Variants in TRHDE observed in about 807,000 individuals in gnomAD.
The protein encoded by TRHDE is thyrotropin-releasing hormone-degrading ectoenzyme.
Under a neutral mutation model 125.7 loss-of-function variants are expected in TRHDE, and 72 were observed. That is an observed-to-expected ratio of 0.57 (90% CI 0.47 to 0.70). The LOEUF (loss-of-function observed/expected upper bound fraction) is 0.70. Ranked by LOEUF, TRHDE falls within the 30% of genes least tolerant of loss-of-function variation. TRHDE has a pLI of 0.00. For synonymous variants in TRHDE, 509 were observed against 509.1 expected (o/e 1.00, Z 0.00); for missense variants, 1,110 against 1,327.1 (o/e 0.84, Z 2.54).
chr12:72,489,733 C>T (rs1877574660), intron 5 of TRHDE, among the ~76,000 whole-genome samples: 1 of 151,488 alleles, frequency 6.6e-6, no homozygotes, highest in African/African-American at 2.4e-5. Context: ...ACCAAGAAGA[C>T]ACGATGAGAA....
At chr12:72,482,532 AT>A (rs760917926) in intron 5 of TRHDE, among the ~76,000 whole-genome samples, 1 of 151,812 alleles carries the variant, frequency 6.6e-6, no homozygotes, top group Non-Finnish European at 1.5e-5. Context: ...ATTTCATTAG[AT>A]TTTTGAGTAT....
intron 2 of TRHDE, among the ~76,000 whole-genome samples, chr12:72,215,405 G>T (rs1218404895): frequency 1.3e-5 from 2 of 152,144 alleles, no homozygotes; most frequent in Non-Finnish European, 2.9e-5. Context: ...GGGCGTATAT[G>T]TGCAGGTCAC....
Position 72,099,670 on chromosome 12 carries a change from A to G in TRHDE, n.175-5978A>G, listed in dbSNP as rs530684005. ...ATATAATGGTTTCATGTAGATACAG[A>G]CTCAGACTCTGTTTTTTAGGTTAAT... On this transcript the variant is annotated intron_variant and non_coding_transcript_variant, in intron 1 of 4. Transcript: ENST00000548156. Among the ~76,000 whole-genome samples the G allele has an allele frequency of 5.9e-5, 9 of 152,304 alleles. No homozygotes were observed. In the South Asian group the frequency reaches 1.7e-3, roughly 28 times the overall value.
intron 3 of TRHDE, among the ~76,000 whole-genome samples, chr12:72,412,216 C>CA (rs1873542550): frequency 6.6e-6 from 1 of 151,962 alleles, no homozygotes; most frequent in South Asian, 2.1e-4. Context: ...TTATATAACC[C>CA]AAATCAGCCA....
intron 5 of TRHDE, among the ~76,000 whole-genome samples, chr12:72,482,809 A>G (rs760205425): frequency 6.6e-6 from 1 of 151,952 alleles, no homozygotes; most frequent in Non-Finnish European, 1.5e-5. Flanking sequence ...GACTGGTCCA[A>G]TTTGAAGCAC....
At chr12:72,340,878 A>T (rs1352505452) in intron 2 of TRHDE, among the ~76,000 whole-genome samples, 1 of 152,150 alleles carries the variant, frequency 6.6e-6, no homozygotes, top group Non-Finnish European at 1.5e-5. Flanking sequence ...GAAAAGACAG[A>T]ATATTGTGAA....
Position 72,454,204 on chromosome 12 carries a change from T to C in TRHDE, c.1316-15554T>C, listed in dbSNP as rs543515324. 2.6e-4 allele frequency among the ~76,000 whole-genome samples: 40 copies of C among 152,166 alleles called. No individual in the cohort carries two copies. In the South Asian group the frequency reaches 6.0e-3, roughly 23 times the overall value. On this transcript the variant is annotated intron_variant, in intron 3 of 18. Coordinates refer to ENST00000261180, the MANE Select transcript of TRHDE (RefSeq NM_013381.3). ...TAAATTTGTTTTTTTTTAAAAAAAA[T>C]ATGTAATCAACTCTTTGTTTTTACC...
At chr12:72,611,944 A>AT (rs1245974372) in intron 12 of TRHDE, among the ~76,000 whole-genome samples, 3 of 152,192 alleles carry the variant, frequency 2.0e-5, no homozygotes, top group Admixed American at 1.3e-4. Context: ...TTAATAACAA[A>AT]TGCATTTTCT....
intron 5 of TRHDE, among the ~76,000 whole-genome samples, chr12:72,483,348 C>T (rs1877262302): frequency 6.6e-6 from 1 of 151,986 alleles, no homozygotes; most frequent in African/African-American, 2.4e-5. Flanking sequence ...CTGTCTGCTA[C>T]TTAATAGCTG....
At chr12:72,549,547 G>A (rs1184023065) in intron 7 of TRHDE, among the ~76,000 whole-genome samples, 3 of 151,548 alleles carry the variant, frequency 2.0e-5, no homozygotes, top group Non-Finnish European at 4.4e-5. Context: ...ATATGCTATC[G>A]GTAAAAAGGT....
intron 12 of TRHDE, chr12:72,582,191 TAAA>T (rs1047283221): frequency 4.1e-5 from 39 of 942,626 alleles, no homozygotes; most frequent in Non-Finnish European, 4.9e-5. Flanking sequence ...ATATATAAGT[TAAA>T]AAATAATACG....
At chr12:72,374,693 C>T (rs559866909) in intron 2 of TRHDE, among the ~76,000 whole-genome samples, 7 of 152,228 alleles carry the variant, frequency 4.6e-5, no homozygotes, top group Non-Finnish European at 7.4e-5. Context: ...ATCAACTGTG[C>T]AAATGCTGCT....
chr12:72,178,676 A>C (rs1877038019), intron 2 of TRHDE, among the ~76,000 whole-genome samples: 1 of 152,220 alleles, frequency 6.6e-6, no homozygotes, highest in South Asian at 2.1e-4. Flanking sequence ...ACATACCTGC[A>C]GAATCTATCC....
intron 3 of TRHDE, among the ~76,000 whole-genome samples, chr12:72,440,268 T>A (rs140302381): frequency 8.2e-4 from 124 of 151,974 alleles, no homozygotes; most frequent in African/African-American, 2.9e-3. Context: ...GCTATGCTCT[T>A]GTATTCTAAT....
At position 72,582,334 on chromosome 12, in the gene TRHDE, G is replaced by T. The variant is rs1461969584; in HGVS notation, c.2321+6792G>T. On this transcript the variant is annotated intron_variant, in intron 12 of 18. Coordinates refer to ENST00000261180, the MANE Select transcript of TRHDE (RefSeq NM_013381.3). ...TATGAGAACATTTCAAAAACTTACA[G>T]ATTTTTTTTTTCATTTCTGAGCCTG... 4 of 984,612 alleles carry T rather than the reference G, an allele frequency of 4.1e-6. No homozygotes were observed. In the African/African-American group the frequency reaches 7.0e-5, roughly 17 times the overall value. 61.0% of individuals were successfully genotyped at this position (984,612 alleles called of 1,614,324 possible). A position where few individuals can be genotyped will look rare whatever the true frequency, so the allele number is the denominator to read the frequency against.
At chr12:72,368,227 CTAATTCCAGGTAGTTTATGATGA>C (rs1407921782) in intron 2 of TRHDE, among the ~76,000 whole-genome samples, 3 of 152,048 alleles carry the variant, frequency 2.0e-5, no homozygotes, top group African/African-American at 7.2e-5. Context: ...GAATTTATTG[CTAATTCCAGGTAGTTTATGATGA>C]TAAACTTAAA....
intron 6 of TRHDE, among the ~76,000 whole-genome samples, chr12:72,529,358 A>G (rs1868423420): frequency 6.6e-6 from 1 of 152,092 alleles, no homozygotes. Flanking sequence ...ATTTTGTTTG[A>G]TGTATTTACA....
intron 10 of TRHDE, among the ~76,000 whole-genome samples, chr12:72,570,521 C>G (rs1402426933): frequency 7.4e-6 from 1 of 135,310 alleles, no homozygotes; most frequent in Non-Finnish European, 1.5e-5. Context: ...GCGGAGGTTG[C>G]AGTGAGCCGA....
At chr12:72,516,061 T>G (rs1878842584) in intron 6 of TRHDE, among the ~76,000 whole-genome samples, 1 of 151,826 alleles carries the variant, frequency 6.6e-6, no homozygotes, top group Non-Finnish European at 1.5e-5. Flanking sequence ...GTAGTATAGT[T>G]TGAAGTCAGG....
Sources: gnomAD v4.1 joint callset for allele counts (sites outside exome capture counted in the v4.1 genomes callset) on GRCh38, gnomAD v4.1.1 for gene constraint, MANE v1.5 for transcripts, NCBI Gene and HGNC (gene_info 2026-07-23, HGNC 2026-07-21) for gene names.